FHAD1: variants seen among roughly 807,000 people sequenced by gnomAD.
FHAD1 encodes forkhead associated phosphopeptide binding domain 1, also known as forkhead-associated domain-containing protein 1.
A neutral mutation model predicts 191.3 loss-of-function variants in FHAD1; 146 were observed. The ratio of observed to expected loss-of-function variants is 0.76; its 90% CI spans 0.67 to 0.88. The LOEUF is 0.88. FHAD1 is among the 40% of genes least tolerant of loss of function. The probability of loss-of-function intolerance (pLI) is 0.00; values close to 1 mark genes in which losing one functional copy is unlikely to be tolerated. For missense variants in FHAD1, 1,635 were observed against 1,785.8 expected, an observed-to-expected ratio of 0.92 and a Z score of 1.52; for synonymous variants, 616 against 672.3, an observed-to-expected ratio of 0.92 and a Z score of 1.29.
Position 15,316,477 on chromosome 1 carries a change from G to A in FHAD1, c.1260+10G>A. ...AAAACTCTGCAAAACCGTGAGTTGA[G>A]CTTCCTCCTTTGTAGGTACCACCAG... is the stretch of plus-strand genomic sequence containing the variant. On this transcript the variant is annotated intron_variant, in intron 9 of 33. Transcript: ENST00000688493. This position sits in a 1 kb window ranked among gnomAD's most constrained non-coding sequence, Gnocchi z 4.3. 6.4e-7 allele frequency: 1 copy of A among 1,551,278 alleles called. No individual in the cohort carries two copies.
chr1:15,324,781 G>A (rs567134822), intron 11 of FHAD1: 4 of 556,474 alleles, frequency 7.2e-6, no homozygotes, highest in East Asian at 6.0e-5. Context: ...AATAGTTTAC[G>A]ATGACCCGAG....
rs1685651605 is a variant in FHAD1, at chr1:15,339,475, T to C, written c.1907-6T>C. On this transcript the variant is annotated splice_region_variant and splice_polypyrimidine_tract_variant and intron_variant, in intron 14 of 33. Transcript: ENST00000688493. ...CTTACATTCTTCCTGCTTCTCTTTT[T>C]TTAAGGGTTCTCTTTGTATCTGATA... 1 of 1,247,800 alleles carries C rather than the reference T, an allele frequency of 8.0e-7. No individual in the cohort carries two copies. Among genetic ancestry groups the C allele is most frequent in the Admixed American group, 2.7e-5 (1 of 37,238 alleles). The allele number at this position is 1,247,800 out of a possible 1,614,324, so 77.3% of individuals were successfully genotyped here. A position where few individuals can be genotyped will look rare whatever the true frequency, so the allele number is the denominator to read the frequency against.
chr1:15,249,073 A>G (rs989321167), intron 1 of FHAD1, among the ~76,000 whole-genome samples: 2 of 152,238 alleles, frequency 1.3e-5, no homozygotes, highest in Non-Finnish European at 2.9e-5. Context: ...AACAAAAACA[A>G]CACAGTTTGG....
intron 11 of FHAD1, chr1:15,324,770 G>T: frequency 1.7e-6 from 1 of 577,654 alleles, no homozygotes; most frequent in South Asian, 2.1e-5. Context: ...CCTCCCACTC[G>T]AATAGTTTAC....
At chr1:15,238,240 C>T (rs1342939733) in intron 1 of FHAD1, among the ~76,000 whole-genome samples, 1 of 107,044 alleles carries the variant, frequency 9.3e-6, no homozygotes, top group Non-Finnish European at 1.7e-5. Context: ...GAGTGAGACT[C>T]CATCTCAAGG....
chr1:15,306,575 C>T (rs1670565081), intron 6 of FHAD1, among the ~76,000 whole-genome samples: 1 of 152,220 alleles, frequency 6.6e-6, no homozygotes, highest in African/African-American at 2.4e-5. Flanking sequence ...GGCCCGGGGT[C>T]CCCATGCTGT....
chr1:15,283,319 A>T (rs1388500444), intron 3 of FHAD1, among the ~76,000 whole-genome samples: 3 of 152,092 alleles, frequency 2.0e-5, no homozygotes, highest in African/African-American at 7.2e-5. Context: ...AAACCTCCAG[A>T]ATTGAGTCCC....
intron 6 of FHAD1, among the ~76,000 whole-genome samples, chr1:15,302,688 A>T (rs986215398): frequency 1.3e-5 from 2 of 149,890 alleles, no homozygotes; most frequent in African/African-American, 5.1e-5. Flanking sequence ...CACTGCACTC[A>T]GCCTGGGCGA....
intron 26 of FHAD1, among the ~76,000 whole-genome samples, chr1:15,371,005 G>C (rs1032748093): frequency 6.6e-6 from 1 of 152,158 alleles, no homozygotes; most frequent in African/African-American, 2.4e-5. Context: ...CCTTGGCATC[G>C]ATTGCTGTCC....
At chr1:15,341,161 G>A (rs916204933) in intron 15 of FHAD1, among the ~76,000 whole-genome samples, 7 of 152,078 alleles carry the variant, frequency 4.6e-5, no homozygotes, top group Non-Finnish European at 8.8e-5. Flanking sequence ...CAGCCTGGGC[G>A]ACAGAGCAAG....
Position 15,327,059 on chromosome 1 carries a change from C to G in FHAD1, c.1474C>G (p.Leu492Val), listed in dbSNP as rs142719774. 6.1e-4 allele frequency: 941 copies of G among 1,550,072 alleles called. 5 individuals carry two copies. The African/African-American group carries it at 0.011, about 18-fold the overall frequency. ...KINLERAVGQ[L>V]EHFRSQVIKA... The stretch of plus-strand genomic sequence containing the variant: ...CACTGTTGCCCCCTCTCTGCTGCAG[C>G]TGGAGCACTTCAGAAGTCAAGTCAT... Residue 492 changes from leucine to valine, a missense_variant and splice_region_variant, in exon 12 of 34, where the codon CTG (leucine) becomes GTG (valine). Physicochemically the swap from Leu to Val is conservative, Grantham distance 32 (BLOSUM62 1). Coordinates refer to ENST00000688493, the MANE Select transcript of FHAD1 (RefSeq NM_001391957.1). The surrounding 1 kb of genome is among the most constrained non-coding windows in gnomAD (Gnocchi z 5.1).
chr1:15,389,140 A>G (rs1339913367), intron 32 of FHAD1, among the ~76,000 whole-genome samples: 1 of 152,120 alleles, frequency 6.6e-6, no homozygotes, highest in Non-Finnish European at 1.5e-5. Context: ...TTACATACCA[A>G]GTTCCTCAAA....
chr1:15,331,883 G>C (rs1207830909), intron 14 of FHAD1, among the ~76,000 whole-genome samples: 1 of 152,134 alleles, frequency 6.6e-6, no homozygotes, highest in African/African-American at 2.4e-5. Context: ...GTAAGCTCAT[G>C]ACCTACATGA....
intron 16 of FHAD1, among the ~76,000 whole-genome samples, chr1:15,342,464 G>T (rs74057311): frequency 6.6e-6 from 1 of 152,156 alleles, no homozygotes; most frequent in South Asian, 2.1e-4. Flanking sequence ...GACGCTACCA[G>T]TCTGCAGATC....
Position 15,325,610 on chromosome 1 carries a change from T to C in FHAD1, c.1473+1051T>C, listed in dbSNP as rs12729507. 53,374 of 152,626 alleles carry C rather than the reference T, an allele frequency of 0.35. 9,847 individuals are homozygous for C. The highest frequency in any genetic ancestry group is 0.45 in the African/African-American group (18,727 of 41,510). The allele number at this position is 152,626 out of a possible 1,614,324, so 9.5% of individuals were successfully genotyped here. A position where few individuals can be genotyped will look rare whatever the true frequency, so the allele number is the denominator to read the frequency against. ...CCTTATCAAGGGCAGAGAACCTGCC[T>C]GTCTGGGCCTCTTCCTGTGCACATT... On this transcript the variant is annotated intron_variant, in intron 11 of 33. Coordinates refer to ENST00000688493, the MANE Select transcript of FHAD1 (RefSeq NM_001391957.1). The surrounding 1 kb of genome is among the most constrained non-coding windows in gnomAD (Gnocchi z 4.6).
chr1:15,311,216 T>G lies in FHAD1; in HGVS notation c.1040-1841T>G, dbSNP rs1249754571. Among the ~76,000 whole-genome samples the G allele has an allele frequency of 6.6e-6, 1 of 152,030 alleles. No homozygotes were observed. Among genetic ancestry groups the G allele is most frequent in the Non-Finnish European group, 1.5e-5 (1 of 67,972 alleles). ...GTGGAGAAGCCAGCACAGCTTGAGT[T>G]TGCTGGGTGGCGTGCCAGGCGGGAG... On this transcript the variant is annotated intron_variant, in intron 7 of 33. Transcript: ENST00000688493. The surrounding 1 kb of genome is among the most constrained non-coding windows in gnomAD (Gnocchi z 4.1).
At chr1:15,271,267 C>T (rs540521151) in intron 2 of FHAD1, among the ~76,000 whole-genome samples, 3 of 152,026 alleles carry the variant, frequency 2.0e-5, no homozygotes, top group Non-Finnish European at 2.9e-5. Context: ...GAGCCGAGAT[C>T]GTGCCACCAC....
At chr1:15,261,700 G>A (rs1377333272) in intron 2 of FHAD1, among the ~76,000 whole-genome samples, 3 of 152,198 alleles carry the variant, frequency 2.0e-5, no homozygotes, top group Non-Finnish European at 4.4e-5. Flanking sequence ...CAGACTCACA[G>A]TCTTACCAGA....
At chr1:15,241,282 T>C (rs1041948374) in intron 1 of FHAD1, among the ~76,000 whole-genome samples, 6 of 152,064 alleles carry the variant, frequency 3.9e-5, no homozygotes, top group Admixed American at 3.3e-4. Flanking sequence ...TGAAAAGACA[T>C]CTCCCAAACA....
Sources: gnomAD v4.1 joint callset for allele counts (sites outside exome capture counted in the v4.1 genomes callset) on GRCh38, gnomAD v4.1.1 for gene constraint, Gnocchi (gnomAD v3.1) non-coding constraint, MANE v1.5 for transcripts, NCBI Gene and HGNC (gene_info 2026-07-23, HGNC 2026-07-21) for gene names.